RBM28: variants seen among roughly 807,000 people sequenced by gnomAD.
RBM28 encodes the protein RNA-binding protein 28.
A neutral mutation model predicts 98.3 loss-of-function variants in RBM28; 78 were observed. The observed-to-expected ratio is 0.79, with a 90% CI of 0.66 to 0.96. The LOEUF (loss-of-function observed/expected upper bound fraction) is 0.96, where lower values mean the gene tolerates loss of function less well. Among genes scored for constraint, RBM28 ranks in the 40% least tolerant of loss-of-function variants. The pLI is 0.00. For missense variants in RBM28, 838 were observed against 913.0 expected (o/e 0.92, Z 1.06); for synonymous variants, 306 against 330.9 (o/e 0.92, Z 0.82).
At chr7:128,339,358 A>C (rs1748446818) in intron 2 of RBM28, 37 bp from the exon 3 acceptor site, 5 of 1,496,138 alleles carry the variant, frequency 3.3e-6, no homozygotes, top group Non-Finnish European at 2.8e-6. Context: ...GTACTCGAAA[A>C]TCACCCACTT....
chr7:128,332,037 G>A (rs1796491396), intron 9 of RBM28, among the ~76,000 whole-genome samples: 1 of 152,094 alleles, frequency 6.6e-6, no homozygotes, highest in Admixed American at 6.5e-5. Flanking sequence ...ATAAGGAATG[G>A]TATCCTTAGT....
intron 10 of RBM28, among the ~76,000 whole-genome samples, chr7:128,327,136 AAAAG>A (rs1796370929): frequency 6.7e-6 from 1 of 149,926 alleles, no homozygotes; most frequent in Non-Finnish European, 1.5e-5. Flanking sequence ...TGTCTCAAAA[AAAAG>A]AAAGAAAAGA....
chr7:128,338,400 A>C, intron 4 of RBM28, 58 bp from the exon 5 acceptor site: 1 of 1,416,926 alleles, frequency 7.1e-7, no homozygotes, highest in Non-Finnish European at 1.0e-6. Context: ...CCAGAATACT[A>C]AGAAGTAAAT....
intron 9 of RBM28, among the ~76,000 whole-genome samples, 179 bp downstream of exon 9, chr7:128,333,111 T>A (rs113069689): frequency 6.6e-6 from 1 of 151,928 alleles, no homozygotes; most frequent in Non-Finnish European, 1.5e-5. Flanking sequence ...ATGCTATCTG[T>A]CTTCTGTGTT....
At chr7:128,313,987 G>A (rs1342934086) in intron 17 of RBM28, among the ~76,000 whole-genome samples, 1 of 151,804 alleles carries the variant, frequency 6.6e-6, no homozygotes, top group African/African-American at 2.4e-5. Flanking sequence ...TTTTGAGACG[G>A]AGTCTCGCTC....
At chr7:128,311,032 T>G (rs563489424) in intron 18 of RBM28, 101 bp from the exon 19 acceptor site, 29 of 1,211,640 alleles carry the variant, frequency 2.4e-5, no homozygotes, top group Admixed American at 3.7e-5. Context: ...GGGACAGAGA[T>G]CATATCTACC....
chr7:128,343,387 C>A (rs1253348650), intron 1 of RBM28, among the ~76,000 whole-genome samples: 1 of 152,166 alleles, frequency 6.6e-6, no homozygotes, highest in African/African-American at 2.4e-5. Context: ...GATCACTGTA[C>A]CTGCCAATCA....
intron 9 of RBM28, among the ~76,000 whole-genome samples, chr7:128,331,310 T>C (rs1296333468): frequency 2.0e-5 from 3 of 147,830 alleles, no homozygotes; most frequent in African/African-American, 7.5e-5. Context: ...TAATGTACTT[T>C]ACAGAATCTA....
rs746452380 is a variant in RBM28, at chr7:128,324,586, G to C, written c.1312C>G (p.Arg438Gly). ...TTKVKKPTGT[R>G]NLYLAREGLI... The stretch of plus-strand genomic sequence containing the variant: ...CCTTCTCGGGCCAGATAGAGATTCC[G>C]GGTGCCAGTCGGCTTCTTCACCTTC... Residue 438 changes from arginine (R) to glycine (G), a missense_variant, in exon 12 of 19, where the codon CGG becomes GGG. Transcript: ENST00000223073. 18 of 1,614,072 alleles carry C rather than the reference G, an allele frequency of 1.1e-5. No individual in the cohort carries two copies. Among genetic ancestry groups the C allele is most frequent in the Non-Finnish European group, 1.5e-5 (18 of 1,180,052 alleles).
chr7:128,324,152 A>G (rs1301405146), intron 12 of RBM28, among the ~76,000 whole-genome samples: 3 of 152,180 alleles, frequency 2.0e-5, no homozygotes, highest in Admixed American at 6.5e-5. Context: ...ATTTAAAGCT[A>G]ATTTTTTTGT....
intron 10 of RBM28, among the ~76,000 whole-genome samples, chr7:128,330,264 C>T (rs1163219162): frequency 1.3e-5 from 2 of 151,486 alleles, no homozygotes; most frequent in Admixed American, 1.3e-4. Context: ...AATTCATTAC[C>T]CTAAAGTAAA....
At chr7:128,340,414 A>G (rs1399437244) in intron 1 of RBM28, among the ~76,000 whole-genome samples, 1 of 152,166 alleles carries the variant, frequency 6.6e-6, no homozygotes, top group East Asian at 1.9e-4. Flanking sequence ...CCCCCTCGCC[A>G]TGACACCCTG....
At chr7:128,321,753 T>C (rs2116342399) in intron 13 of RBM28, among the ~76,000 whole-genome samples, 1 of 151,958 alleles carries the variant, frequency 6.6e-6, no homozygotes, top group East Asian at 1.9e-4. Context: ...GAGGCCAAAA[T>C]GAGATAATAT....
intron 9 of RBM28, 66 bp downstream of exon 9, chr7:128,333,224 A>C (rs1435217132): frequency 1.5e-6 from 2 of 1,316,826 alleles, no homozygotes; most frequent in Non-Finnish European, 2.2e-6. Context: ...TGCCAAAAAG[A>C]GAAGAAGAAG....
rs571906830 is a variant in RBM28, at chr7:128,328,924, C to T, written c.1129+1895G>A. ...TGGGATTAGATCTCTAACTCTGTTC[C>T]ACAGTGCTGCCTTATTCACATCTTT... On this transcript the variant is annotated intron_variant, in intron 10 of 18. Transcript: ENST00000223073. 1.3e-5 allele frequency among the ~76,000 whole-genome samples: 2 copies of T among 152,136 alleles called. 1 individual carries two copies. The highest frequency in any genetic ancestry group is 3.9e-4 in the East Asian group (2 of 5,174).
chr7:128,316,836 T>G (rs939203162), intron 16 of RBM28, among the ~76,000 whole-genome samples: 1 of 152,242 alleles, frequency 6.6e-6, no homozygotes, highest in Admixed American at 6.5e-5. Context: ...TCCCAGATTT[T>G]CCAACCTAGG....
Position 128,325,842 on chromosome 7 carries a change from A to G in RBM28, c.1179T>C (p.Leu393=), listed in dbSNP as rs1450426646. Residue 393 remains leucine, a synonymous_variant, in exon 11 of 19, where the codon CTT becomes CTC. Coordinates refer to ENST00000223073, the MANE Select transcript of RBM28 (RefSeq NM_018077.3). Reference sequence around the variant, plus strand: ...CCTCATTCTCTGGAGAAGCAGCTAGAAGGCATTTCTGAGCTGCTTCTTGAG... The same window carrying G: ...CCTCATTCTCTGGAGAAGCAGCTAGGAGGCATTTCTGAGCTGCTTCTTGAG... ...FMTQEAAQKC[L]LAASPENEAG... 3 of 1,613,584 alleles carry G rather than the reference A, an allele frequency of 1.9e-6. No homozygotes were observed. The highest frequency in any genetic ancestry group is 2.5e-6 in the Non-Finnish European group (3 of 1,179,730).
At chr7:128,330,958 A>G in intron 9 of RBM28, 30 bp from the exon 10 acceptor site, 3 of 1,424,242 alleles carry the variant, frequency 2.1e-6, no homozygotes, top group Non-Finnish European at 3.0e-6. Flanking sequence ...GATCACAAGA[A>G]AAGTCAATTA....
Position 128,305,221 on chromosome 7 carries a change from T to C in RBM28, c.*5576A>G, listed in dbSNP as rs969893448. On this transcript the variant is annotated 3_prime_UTR_variant, in exon 19 of 19. Transcript: ENST00000223073. ...TCCTGTTGTCTCACTGTAAATAGCA[T>C]AAGAACAATGTTCTGGCCCCTCCCT... is the stretch of plus-strand genomic sequence containing the variant. 1.3e-5 allele frequency: 2 copies of C among 150,498 alleles called. No individual in the cohort carries two copies. Among genetic ancestry groups the C allele is most frequent in the African/African-American group, 4.9e-5 (2 of 40,958 alleles). The allele number at this position is 150,498 out of a possible 1,614,324, so 9.3% of individuals were successfully genotyped here.
Sources: allele counts gnomAD v4.1 joint callset (sites outside exome capture counted in the v4.1 genomes callset), GRCh38; gene constraint gnomAD v4.1.1; transcripts MANE v1.5; gene names NCBI Gene and HGNC (gene_info 2026-07-23, HGNC 2026-07-21).